ZNF610: variants seen among roughly 807,000 people sequenced by gnomAD.
The protein encoded by ZNF610 is zinc finger protein 610.
A neutral mutation model predicts 14.1 loss-of-function variants in ZNF610; 14 were observed. The observed-to-expected ratio is 0.99, with a 90% CI of 0.65 to 1.55. The LOEUF (loss-of-function observed/expected upper bound fraction) is 1.55, where lower values mean the gene tolerates loss of function less well. Among genes scored for constraint, ZNF610 ranks in the 40% most tolerant of loss-of-function variants. ZNF610 has a pLI of 0.00. For synonymous variants in ZNF610, 185 were observed against 187.6 expected (o/e 0.99, Z 0.11); for missense variants, 530 against 558.0 (o/e 0.95, Z 0.51).
At chr19:52,358,933 C>A (rs1277538611) in intron 5 of ZNF610, among the ~76,000 whole-genome samples, 2 of 152,182 alleles carry the variant, frequency 1.3e-5, no homozygotes, top group Admixed American at 1.3e-4. Flanking sequence ...GTCTTGGCAG[C>A]CTTATTGAAC....
At position 52,365,957 on chromosome 19, in the gene ZNF610, G is replaced by C; in HGVS notation, c.579G>C (p.Glu193Asp). 1 of 1,613,932 alleles carries C rather than the reference G, an allele frequency of 6.2e-7. No homozygotes were observed. The highest frequency in any genetic ancestry group is 1.7e-5 in the Admixed American group (1 of 60,010). ...LIDFPLLPQE[E>D]KAYIRGKSYE... Reference sequence around the variant, plus strand: ...ATTTCCCATTACTCCCACAAGAAGAGAAAGCATACATTAGAGGAAAATCTT... The same window carrying C: ...ATTTCCCATTACTCCCACAAGAAGACAAAGCATACATTAGAGGAAAATCTT... Residue 193 changes from glutamate (E) to aspartate (D), a missense_variant, in exon 6 of 6, where the codon GAG becomes GAC. Glu to Asp is a conservative substitution (Grantham distance 45). Transcript: ENST00000403906.
chr19:52,355,945 T>C (rs1176557005), intron 5 of ZNF610, among the ~76,000 whole-genome samples: 1 of 152,190 alleles, frequency 6.6e-6, no homozygotes, highest in Non-Finnish European at 1.5e-5. Context: ...GTAGGCGTGA[T>C]TGATATTAAC....
chr19:52,355,510 T>C (rs1985481369), intron 5 of ZNF610, among the ~76,000 whole-genome samples: 1 of 152,204 alleles, frequency 6.6e-6, no homozygotes. Flanking sequence ...ATCGGCAATT[T>C]TTCACTGGAT....
At chr19:52,357,457 A>G (rs1057514552) in intron 5 of ZNF610, among the ~76,000 whole-genome samples, 6 of 152,024 alleles carry the variant, frequency 3.9e-5, no homozygotes, top group African/African-American at 1.4e-4. Context: ...CATCCTGGCT[A>G]ACATGGTGAA....
upstream of ZNF610, among the ~76,000 whole-genome samples, chr19:52,333,460 T>C (rs777221251): frequency 4.6e-5 from 7 of 152,322 alleles, no homozygotes; most frequent in Middle Eastern, 3.4e-3. Flanking sequence ...TCTGGCTCTG[T>C]GGGCAGCCCG....
chr19:52,341,320 A>AT (rs999091188), intron 1 of ZNF610, among the ~76,000 whole-genome samples: 33 of 151,260 alleles, frequency 2.2e-4, no homozygotes, highest in Non-Finnish European at 1.0e-4. Flanking sequence ...TTTTATTTTT[A>AT]TTTTTTTTGA....
At chr19:52,331,507 G>T (rs1984211416), upstream of ZNF610, among the ~76,000 whole-genome samples, 1 of 152,212 alleles carries the variant, frequency 6.6e-6, no homozygotes, top group Non-Finnish European at 1.5e-5. Flanking sequence ...CCGAAGGCCT[G>T]TGGGACGTGA....
chr19:52,334,398 A>G (rs1984275730), upstream of ZNF610, among the ~76,000 whole-genome samples: 1 of 31,244 alleles, frequency 3.2e-5, no homozygotes, highest in Non-Finnish European at 6.9e-5. Context: ...CTGTAGTCCC[A>G]GCTACTCGGG....
At chr19:52,338,663 G>A (rs912221417) in intron 1 of ZNF610, among the ~76,000 whole-genome samples, 1 of 151,956 alleles carries the variant, frequency 6.6e-6, no homozygotes, top group African/African-American at 2.4e-5. Context: ...GCAACAGTGA[G>A]ACTCTGTCTC....
At chr19:52,358,797 GTCATGAATTGGCTT>G (rs1260305678) in intron 5 of ZNF610, among the ~76,000 whole-genome samples, 2 of 152,144 alleles carry the variant, frequency 1.3e-5, no homozygotes, top group Non-Finnish European at 2.9e-5. Context: ...TTAGTTTTAG[GTCATGAATTGGCTT>G]TCAGATAATT....
intron 5 of ZNF610, 112 bp from the exon 6 acceptor site, chr19:52,365,586 T>C (rs1985980680): frequency 4.2e-6 from 4 of 948,428 alleles, no homozygotes; most frequent in Non-Finnish European, 6.4e-6. Context: ...ATGCAAAGTA[T>C]GCCGATACTT....
At chr19:52,361,020 T>C (rs1023100669) in intron 5 of ZNF610, among the ~76,000 whole-genome samples, 10 of 152,184 alleles carry the variant, frequency 6.6e-5, no homozygotes, top group Non-Finnish European at 1.5e-5. Flanking sequence ...AGTCATCTGG[T>C]TCATTACTTG....
Position 52,366,712 on chromosome 19 carries a change from G to A in ZNF610, c.1334G>A (p.Arg445Gln), listed in dbSNP as rs895984799. ...TTCAATCAAAATCCACACCTTTCAC[G>A]ACATCGGAAAATTCATGCTGGAGAG... is the stretch of plus-strand genomic sequence containing the variant. The part of the protein sequence containing the change: ...KVFNQNPHLS[R>Q]HRKIHAGENS... Residue 445 changes from arginine (R) to glutamine (Q), a missense_variant, in exon 6 of 6, where the codon CGA becomes CAA. By Grantham distance (43) the Arg-to-Gln change is conservative. Transcript: ENST00000403906. The A allele has an allele frequency of 4.6e-5, 75 of 1,613,972 alleles. No individual in the cohort carries two copies. The South Asian group carries it at 6.1e-4, about 13-fold the overall frequency.
rs766294005 is a variant in ZNF610, at chr19:52,366,501, A to G, written c.1123A>G (p.Asn375Asp). Residue 375 changes from asparagine to aspartate, a missense_variant, in exon 6 of 6, where the codon AAC (asparagine) becomes GAC (aspartate). Transcript: ENST00000403906. ...TAGTACAGAGAAGCCCTACAAATGT[A>G]ACGAATGTGGAAGAGCATTTCACAA... ...IHSTEKPYKC[N>D]ECGRAFHKRP... The G allele has an allele frequency of 6.2e-7, 1 of 1,614,244 alleles. No individual in the cohort carries two copies. Among genetic ancestry groups the G allele is most frequent in the Non-Finnish European group, 8.5e-7 (1 of 1,180,050 alleles).
At position 52,366,453 on chromosome 19, in the gene ZNF610, C is replaced by G. The variant is rs144352698; in HGVS notation, c.1075C>G (p.Leu359Val). The change falls in exon 6 of 6, where the codon CTT (leucine) becomes GTT (valine). Residue 359 changes from leucine to valine, a missense_variant. Coordinates refer to ENST00000403906, the MANE Select transcript of ZNF610 (RefSeq NM_001161425.2). ...CAAGGTCTTTAGTCTGCTTTCATAC[C>G]TTGCACGGCATCAAATAATTCATAG... is the stretch of plus-strand genomic sequence containing the variant. ...CGKVFSLLSYLARHQIIHSTE... is the reference protein window; with the variant it reads ...CGKVFSLLSYVARHQIIHSTE... The G allele has an allele frequency of 3.1e-6, 5 of 1,614,058 alleles. No homozygotes were observed. The Admixed American group carries it at 8.3e-5, about 27-fold the overall frequency.
At chr19:52,340,425 T>G (rs1451408579) in intron 1 of ZNF610, among the ~76,000 whole-genome samples, 1 of 152,080 alleles carries the variant, frequency 6.6e-6, no homozygotes, top group Non-Finnish European at 1.5e-5. Flanking sequence ...CGGCATAGTA[T>G]TCTGTGCTGA....
At chr19:52,364,775 A>G (rs141853086) in intron 5 of ZNF610, among the ~76,000 whole-genome samples, 2,497 of 152,224 alleles carry the variant, frequency 0.016, 47 homozygotes, top group African/African-American at 0.052. Flanking sequence ...ATGAGGTTTC[A>G]CCATGTTGGC....
rs1600235977 is a variant in ZNF610 at position 52,353,951 on chromosome 19, T to C, written c.190+143T>C. 8 of 1,168,568 alleles carry C rather than the reference T, an allele frequency of 6.8e-6. No individual in the cohort carries two copies. The East Asian group carries it at 1.9e-4, about 28-fold the overall frequency. 72.4% of individuals were successfully genotyped at this position (1,168,568 alleles called of 1,614,324 possible). On this transcript the variant is annotated intron_variant, in intron 4 of 5. Transcript: ENST00000403906. ...AGAAATGAAAAGCTCTATTATGCTCTCTGGATTTGAAATGCGTCCTTTCTT... is the reference window on the plus strand; with the variant it reads ...AGAAATGAAAAGCTCTATTATGCTCCCTGGATTTGAAATGCGTCCTTTCTT...
rs537314798 is a variant in ZNF610 at position 52,353,436 on chromosome 19, A to C, written c.64-246A>C. Reference sequence around the variant, plus strand: ...CATCTTCTTGGGAGGCTGGGGCAGGATTAAACTCTTCCCATGAACCCAGGA... The same window carrying C: ...CATCTTCTTGGGAGGCTGGGGCAGGCTTAAACTCTTCCCATGAACCCAGGA... On this transcript the variant is annotated intron_variant, in intron 3 of 5. Coordinates refer to ENST00000403906, the MANE Select transcript of ZNF610 (RefSeq NM_001161425.2). Among the ~76,000 whole-genome samples the C allele has an allele frequency of 3.3e-5, 5 of 152,310 alleles. No individual in the cohort carries two copies. In the South Asian group the frequency reaches 1.0e-3, roughly 32 times the overall value.
Sources: allele counts gnomAD v4.1 joint callset (sites outside exome capture counted in the v4.1 genomes callset), GRCh38; gene constraint gnomAD v4.1.1; transcripts MANE v1.5; gene names NCBI Gene and HGNC (gene_info 2026-07-23, HGNC 2026-07-21).